AKAP6: variants seen among roughly 807,000 people sequenced by gnomAD.
AKAP6 encodes A-kinase anchoring protein 6.
In AKAP6, 58 loss-of-function variants were observed where a neutral mutation model predicts 188.5. That is an observed-to-expected ratio of 0.31 (90% CI 0.25 to 0.38). The LOEUF (loss-of-function observed/expected upper bound fraction) is 0.38. Among genes scored for constraint, AKAP6 ranks in the 10% least tolerant of loss-of-function variants. The pLI is 1.00. For missense variants in AKAP6, 2,710 were observed against 2,740.0 expected (o/e 0.99, Z 0.24); for synonymous variants, 989 against 998.6 (o/e 0.99, Z 0.18).
At chr14:32,547,799 A>C (rs879386487) in intron 4 of AKAP6, among the ~76,000 whole-genome samples, 12 of 151,602 alleles carry the variant, frequency 7.9e-5, no homozygotes, top group Non-Finnish European at 1.8e-4. Context: ...AGTTGTGGTC[A>C]TGCCACTGCA....
chr14:32,438,053 G>A lies in AKAP6; in HGVS notation c.324+4236G>A, dbSNP rs147357453. On this transcript the variant is annotated intron_variant, in intron 2 of 13. Transcript: ENST00000280979. ...TTCACACCTGTTGTTGTATAGGTGA[G>A]TCCAAGCCTATGTGGTCAGTGCCTT... Among the ~76,000 whole-genome samples the A allele has an allele frequency of 3.5e-3, 535 of 152,326 alleles. 3 individuals are homozygous for A. The highest frequency in any genetic ancestry group is 0.011 in the African/African-American group (469 of 41,578).
At chr14:32,729,302 G>A (rs1021397407) in intron 9 of AKAP6, among the ~76,000 whole-genome samples, 1 of 152,118 alleles carries the variant, frequency 6.6e-6, no homozygotes, top group Non-Finnish European at 1.5e-5. Context: ...ACTTCGGTGT[G>A]GCGGGGAAGC....
intron 12 of AKAP6, among the ~76,000 whole-genome samples, chr14:32,794,056 T>C (rs2033690679): frequency 6.6e-6 from 1 of 152,220 alleles, no homozygotes; most frequent in South Asian, 2.1e-4. Flanking sequence ...TACATTCTTC[T>C]CAGTGCTGCA....
intron 1 of AKAP6, among the ~76,000 whole-genome samples, chr14:32,355,416 G>A (rs1887447121): frequency 7.4e-6 from 1 of 135,006 alleles, no homozygotes; most frequent in South Asian, 2.3e-4. Context: ...TTCTCTCTTG[G>A]TCTTGTTCTC....
chr14:32,656,549 T>G (rs1888463076), intron 7 of AKAP6, among the ~76,000 whole-genome samples: 1 of 152,188 alleles, frequency 6.6e-6, no homozygotes, highest in Admixed American at 6.5e-5. Flanking sequence ...AATCTGCATT[T>G]TAGTGAACCC....
chr14:32,777,252 TACA>T, intron 12 of AKAP6, among the ~76,000 whole-genome samples: 1 of 152,268 alleles, frequency 6.6e-6, no homozygotes, highest in East Asian at 1.9e-4. Context: ...ATACCCAACA[TACA>T]ACAAGTTAAA....
intron 1 of AKAP6, among the ~76,000 whole-genome samples, chr14:32,330,971 A>G (rs901579058): frequency 7.2e-5 from 11 of 151,964 alleles, no homozygotes; most frequent in African/African-American, 2.7e-4. Flanking sequence ...ATGTCATATA[A>G]TGTGAGCAGA....
chr14:32,361,834 C>G (rs10483397), intron 1 of AKAP6, among the ~76,000 whole-genome samples: 57,368 of 151,966 alleles, frequency 0.38, 12,072 homozygotes, highest in African/African-American at 0.58. Flanking sequence ...CTATCCTTCA[C>G]TGCTTAAAAA....
At chr14:32,396,376 C>G (rs1186272773) in intron 1 of AKAP6, among the ~76,000 whole-genome samples, 1 of 152,140 alleles carries the variant, frequency 6.6e-6, no homozygotes, top group Non-Finnish European at 1.5e-5. Context: ...GGGTTGTCTA[C>G]CTATCAGTCA....
intron 1 of AKAP6, among the ~76,000 whole-genome samples, chr14:32,337,671 A>G (rs12891932): frequency 0.3 from 45,003 of 151,548 alleles, 7,975 homozygotes; most frequent in African/African-American, 0.49. Context: ...TGCTGCACCC[A>G]TTAACTCGTC....
At chr14:32,634,541 G>A (rs1458650182) in intron 7 of AKAP6, among the ~76,000 whole-genome samples, 1 of 152,044 alleles carries the variant, frequency 6.6e-6, no homozygotes, top group African/African-American at 2.4e-5. Context: ...CAAACAGTGA[G>A]TTAAACCTAC....
In AKAP6 at chr14:32,433,531, C is replaced by A; in HGVS notation, c.38C>A (p.Ser13Ter). ...AGCGTGACACTTTCCCCCCTGAGGT[C>A]ACAGGACCTGGATCCCATGGCTACT... ...TMSVTLSPLR[S>*]QDLDPMATDA... The change falls in exon 2 of 14, where the codon TCA becomes TAA. Residue 13 changes from serine (S) to a stop codon, truncating the protein, a stop_gained. Coordinates refer to ENST00000280979, the MANE Select transcript of AKAP6 (RefSeq NM_004274.5). LOFTEE classifies it high-confidence loss of function. 1.2e-6 allele frequency: 2 copies of A among 1,614,094 alleles called. No homozygotes were observed. The highest frequency in any genetic ancestry group is 2.2e-5 in the South Asian group (2 of 91,046).
At chr14:32,828,703 G>C (rs1344252321) in intron 13 of AKAP6, among the ~76,000 whole-genome samples, 1 of 152,122 alleles carries the variant, frequency 6.6e-6, no homozygotes, top group African/African-American at 2.4e-5. Flanking sequence ...CTCACCTAGG[G>C]AATCCCTATT....
At chr14:32,800,134 A>G (rs2033899504) in intron 12 of AKAP6, among the ~76,000 whole-genome samples, 1 of 140,132 alleles carries the variant, frequency 7.1e-6, no homozygotes. Context: ...ATACACACAT[A>G]TATATACACA....
chr14:32,567,718 T>C (rs1391798953), intron 4 of AKAP6, among the ~76,000 whole-genome samples: 3 of 152,186 alleles, frequency 2.0e-5, no homozygotes, highest in South Asian at 2.1e-4. Context: ...ATATTTGATG[T>C]GCAAGAGTTC....
At chr14:32,502,801 G>A (rs1372731592) in intron 2 of AKAP6, among the ~76,000 whole-genome samples, 1 of 152,016 alleles carries the variant, frequency 6.6e-6, no homozygotes, top group Non-Finnish European at 1.5e-5. Flanking sequence ...CATTCTTATA[G>A]TTGTGTAGTG....
chr14:32,788,570 A>C (rs1051328045), intron 12 of AKAP6, among the ~76,000 whole-genome samples: 1 of 151,964 alleles, frequency 6.6e-6, no homozygotes, highest in African/African-American at 2.4e-5. Flanking sequence ...AGCGAAAGGA[A>C]CCCCCACCCT....
chr14:32,675,450 A>T (rs1270448839), intron 7 of AKAP6, among the ~76,000 whole-genome samples: 1 of 152,128 alleles, frequency 6.6e-6, no homozygotes. Flanking sequence ...TTAACCAGAG[A>T]TTGTTACTGT....
At position 32,822,432 on chromosome 14, in the gene AKAP6, C is replaced by T; in HGVS notation, c.4619C>T (p.Ser1540Leu). Residue 1540 changes from serine (S) to leucine (L), a missense_variant, in exon 13 of 14, where the codon TCA (serine) becomes TTA (leucine). Physicochemically the swap from Ser to Leu is moderately radical, Grantham distance 145 (BLOSUM62 -2). Coordinates refer to ENST00000280979, the MANE Select transcript of AKAP6 (RefSeq NM_004274.5). ...ASASHEMDRISYKSGNIEKTF... is the reference protein window; with the variant it reads ...ASASHEMDRILYKSGNIEKTF... ...GCATCTCATGAAATGGATCGCATTT[C>T]ATATAAAAGTGGCAATATAGAAAAG... The T allele has an allele frequency of 3.1e-6, 5 of 1,613,984 alleles. No homozygotes were observed. The highest frequency in any genetic ancestry group is 4.2e-6 in the Non-Finnish European group (5 of 1,179,948).
Sources: allele counts gnomAD v4.1 joint callset (sites outside exome capture counted in the v4.1 genomes callset), GRCh38; gene constraint gnomAD v4.1.1; transcripts MANE v1.5; gene names NCBI Gene and HGNC (gene_info 2026-07-23, HGNC 2026-07-21).